The following JMJD1C variants were observed in gnomAD, a reference collection of about 807,000 sequenced individuals.
JMJD1C encodes the protein jumonji domain-containing protein 1C.
Under a neutral mutation model 245.3 loss-of-function variants are expected in JMJD1C, and 31 were observed. That is an observed-to-expected ratio of 0.13 (90% CI 0.09 to 0.17). The LOEUF (loss-of-function observed/expected upper bound fraction) is 0.17. JMJD1C is among the 10% of genes least tolerant of loss of function. The probability of loss-of-function intolerance (pLI) is 1.00; values close to 1 mark genes in which losing one functional copy is unlikely to be tolerated. For missense variants in JMJD1C, 2,691 were observed against 3,000.2 expected (o/e 0.90, Z 2.41); for synonymous variants, 1,057 against 1,017.4 (o/e 1.04, Z -0.74).
chr10:63,335,192 G>A (rs1942593637), intron 2 of JMJD1C, among the ~76,000 whole-genome samples: 1 of 152,040 alleles, frequency 6.6e-6, no homozygotes, highest in Admixed American at 6.6e-5. Flanking sequence ...GTTGTTCCAG[G>A]TCAGACACAG....
intron 1 of JMJD1C, among the ~76,000 whole-genome samples, chr10:63,385,970 T>C (rs1197500409): frequency 6.6e-6 from 1 of 152,008 alleles, no homozygotes; most frequent in Non-Finnish European, 1.5e-5. Context: ...ACACCAAACA[T>C]GGAAACTTAA....
chr10:63,388,030 G>C (rs1947767269), intron 1 of JMJD1C, among the ~76,000 whole-genome samples: 1 of 152,142 alleles, frequency 6.6e-6, no homozygotes, highest in African/African-American at 2.4e-5. Context: ...TTTTGTGTTT[G>C]AGGAGGCAAC....
At chr10:63,477,393 G>C (rs2133172980) in intron 1 of JMJD1C, among the ~76,000 whole-genome samples, 1 of 4,448 alleles carries the variant, frequency 2.2e-4, no homozygotes, top group East Asian at 0.056. Context: ...TTGGCAAAAA[G>C]ATAGATATAC....
chr10:63,306,565 C>T (rs1045223612), intron 2 of JMJD1C, among the ~76,000 whole-genome samples: 2 of 152,084 alleles, frequency 1.3e-5, no homozygotes, highest in African/African-American at 4.8e-5. Context: ...ATCACTTAAA[C>T]AAATTTAATT....
At chr10:63,391,484 T>G (rs1948052391) in intron 1 of JMJD1C, among the ~76,000 whole-genome samples, 1 of 151,142 alleles carries the variant, frequency 6.6e-6, no homozygotes, top group Non-Finnish European at 1.5e-5. Context: ...CACTCCAGTC[T>G]GGGCGACAGA....
At chr10:63,375,365 A>G (rs1262116463) in intron 2 of JMJD1C, among the ~76,000 whole-genome samples, 1 of 151,968 alleles carries the variant, frequency 6.6e-6, no homozygotes, top group Non-Finnish European at 1.5e-5. Flanking sequence ...ACAATAATGA[A>G]TAATTTGAAA....
At chr10:63,243,571 A>T (rs780878038) in intron 3 of JMJD1C, among the ~76,000 whole-genome samples, 2 of 152,204 alleles carry the variant, frequency 1.3e-5, no homozygotes, top group Non-Finnish European at 2.9e-5. Flanking sequence ...TTCTGATTTT[A>T]AATAATATTA....
intron 3 of JMJD1C, among the ~76,000 whole-genome samples, chr10:63,235,623 A>C (rs577145204): frequency 2.0e-5 from 3 of 152,374 alleles, no homozygotes; most frequent in East Asian, 3.9e-4. Context: ...CTGTAAATTA[A>C]AAGATTTTTT....
At chr10:63,427,734 T>C (rs1229308436) in intron 1 of JMJD1C, 4 of 1,378,942 alleles carry the variant, frequency 2.9e-6, no homozygotes, top group East Asian at 2.3e-5. Context: ...TCCAGGAATT[T>C]GGTCTTGCCC....
chr10:63,238,180 C>CAA lies in JMJD1C; in HGVS notation c.448-18199_448-18198dup, dbSNP rs548385223. ...TGGGTGACAGTGTGAGACTCCATCT[C>CAA]AAAAAAAAAAAAAAAGAAAAAAAGG... On this transcript the variant is annotated intron_variant, in intron 3 of 25. Coordinates refer to ENST00000399262, the MANE Select transcript of JMJD1C (RefSeq NM_032776.3). Among the ~76,000 whole-genome samples the CAA allele has an allele frequency of 3.3e-4, 10 of 30,586 alleles. 1 individual carries two copies. The highest frequency in any genetic ancestry group is 0.013 in the Middle Eastern group (1 of 76). The allele number at this position is 30,586 out of a possible 152,430, so 20.1% of individuals were successfully genotyped here. A position where few individuals can be genotyped will look rare whatever the true frequency, so the allele number is the denominator to read the frequency against.
At chr10:63,222,668 G>A (rs1848743487) in intron 3 of JMJD1C, 1 of 1,537,516 alleles carries the variant, frequency 6.5e-7, no homozygotes, top group Non-Finnish European at 9.0e-7. Context: ...TGTAGAGGGA[G>A]TGGTGCATTC....
chr10:63,469,066 T>C (rs201106594), upstream of JMJD1C, among the ~76,000 whole-genome samples: 3 of 152,248 alleles, frequency 2.0e-5, no homozygotes, highest in Admixed American at 6.5e-5. Flanking sequence ...CTACTTAGTT[T>C]AGTCTGAATA....
chr10:63,383,793 TG>T (rs1262884354), intron 1 of JMJD1C, among the ~76,000 whole-genome samples: 2 of 152,194 alleles, frequency 1.3e-5, no homozygotes, highest in Non-Finnish European at 2.9e-5. Context: ...TTCAGAGAGT[TG>T]TAGTATCTTT....
chr10:63,491,881 T>C (rs1042072356), intron 1 of JMJD1C, among the ~76,000 whole-genome samples: 3 of 152,242 alleles, frequency 2.0e-5, no homozygotes, highest in Non-Finnish European at 4.4e-5. Flanking sequence ...AGAGGAAATT[T>C]TCTTGCCAAC....
intron 8 of JMJD1C, among the ~76,000 whole-genome samples, chr10:63,211,112 C>G (rs531564032): frequency 1.3e-5 from 2 of 152,312 alleles, no homozygotes; most frequent in East Asian, 3.9e-4. Context: ...TCTTTCAAAA[C>G]TGGTAGACCT....
At position 63,214,073 on chromosome 10, in the gene JMJD1C, A is replaced by G. The variant is rs2133217766; in HGVS notation, c.2094T>C (p.Thr698=). ...PIPTRSSTLE[T]TKSPLIIDKN... ...TATCAATGATAAGAGGACTCTTTGT[A>G]GTTTCTAATGTACTGCTTCGAGTAG... The change falls in exon 8 of 26, where the codon ACT becomes ACC. Residue 698 remains threonine, a synonymous_variant. Coordinates refer to ENST00000399262, the MANE Select transcript of JMJD1C (RefSeq NM_032776.3). 1 of 1,614,140 alleles carries G rather than the reference A, an allele frequency of 6.2e-7. No individual in the cohort carries two copies. Among genetic ancestry groups the G allele is most frequent in the Non-Finnish European group, 8.5e-7 (1 of 1,179,980 alleles).
rs74137708 is a variant in JMJD1C at position 63,254,056 on chromosome 10, C to T, written c.447+10595G>A. ...GTACTGTTTTGTTTTTAGTCTGAAG[C>T]CTAGAAAGACTTGAATTTTAGAGAC... is the stretch of plus-strand genomic sequence containing the variant. On this transcript the variant is annotated intron_variant, in intron 3 of 25. Transcript: ENST00000399262. Among the ~76,000 whole-genome samples the T allele has an allele frequency of 3.0e-4, 45 of 152,078 alleles. 1 individual carries two copies. Among genetic ancestry groups the T allele is most frequent in the African/African-American group, 9.2e-4 (38 of 41,488 alleles).
chr10:63,276,172 G>A (rs1856749288), intron 2 of JMJD1C, among the ~76,000 whole-genome samples: 1 of 152,044 alleles, frequency 6.6e-6, no homozygotes, highest in Non-Finnish European at 1.5e-5. Context: ...AGACATTAGA[G>A]ATAGGCAGTT....
chr10:63,500,933 A>G (rs1024142236), intron 1 of JMJD1C, among the ~76,000 whole-genome samples: 2 of 152,222 alleles, frequency 1.3e-5, no homozygotes, highest in East Asian at 1.9e-4. Flanking sequence ...CAGTTAATAC[A>G]TTTTTCAAAT....
Sources: allele counts gnomAD v4.1 joint callset (sites outside exome capture counted in the v4.1 genomes callset), GRCh38; gene constraint gnomAD v4.1.1; transcripts MANE v1.5; gene names NCBI Gene and HGNC (gene_info 2026-07-23, HGNC 2026-07-21).